The following PTK2B variants were observed in gnomAD, a reference collection of about 807,000 sequenced individuals.
PTK2B encodes protein-tyrosine kinase 2-beta.
In PTK2B, 71 loss-of-function variants were observed where a neutral mutation model predicts 142.9. That is an observed-to-expected ratio of 0.50 (90% CI 0.41 to 0.61). The LOEUF (loss-of-function observed/expected upper bound fraction) is 0.61. Among genes scored for constraint, PTK2B ranks in the 20% least tolerant of loss-of-function variants. The pLI is 0.00. For missense variants in PTK2B, 1,105 were observed against 1,320.4 expected, an observed-to-expected ratio of 0.84 and a Z score of 2.53; for synonymous variants, 519 against 503.4, an observed-to-expected ratio of 1.03 and a Z score of -0.42.
Position 27,437,777 on chromosome 8 carries a change from C to T in PTK2B, c.1540C>T (p.Leu514=). 9 of 1,611,768 alleles carry T rather than the reference C, an allele frequency of 5.6e-6. No homozygotes were observed. Among genetic ancestry groups the T allele is most frequent in the Non-Finnish European group, 7.6e-6 (9 of 1,179,244 alleles). Residue 514 remains leucine (L), a synonymous_variant, in exon 18 of 31, where the codon CTG becomes TTG. Transcript: ENST00000346049. The stretch of plus-strand genomic sequence containing the variant: ...CCCATTCCTGCAGCTGGGCCACTAC[C>T]TGGAGCGGAACAAGAACTCCCTGAA... The part of the protein sequence containing the change: ...LYPYGELGHY[L]ERNKNSLKVL...
intron 1 of PTK2B, among the ~76,000 whole-genome samples, chr8:27,350,975 C>CAAAAAAAAAAAA (rs1161040902): frequency 4.3e-4 from 1 of 2,348 alleles, no homozygotes. Flanking sequence ...GTCTCCGTCT[C>CAAAAAAAAAAAA]AAAAAAAAAA....
Position 27,430,858 on chromosome 8 carries a change from G to T in PTK2B, c.670-18G>T, listed in dbSNP as rs768302113. The T allele has an allele frequency of 6.2e-7, 1 of 1,611,776 alleles. No homozygotes were observed. Among genetic ancestry groups the T allele is most frequent in the East Asian group, 2.2e-5 (1 of 44,820 alleles). On this transcript the variant is annotated intron_variant, in intron 7 of 30. Coordinates refer to ENST00000346049, the MANE Select transcript of PTK2B (RefSeq NM_173176.3). Reference sequence around the variant, plus strand: ...GGGAGGAGCAGGCATTGCTCACACGGCCCATCCCCTCCCCCAGCCCAAACA... The same window carrying T: ...GGGAGGAGCAGGCATTGCTCACACGTCCCATCCCCTCCCCCAGCCCAAACA...
intron 3 of PTK2B, among the ~76,000 whole-genome samples, chr8:27,316,876 T>G (rs1563453085): frequency 6.6e-6 from 1 of 152,270 alleles, no homozygotes; most frequent in Admixed American, 6.5e-5. Flanking sequence ...TATACTTTTT[T>G]CTGTCTGTAT....
intron 1 of PTK2B, among the ~76,000 whole-genome samples, chr8:27,370,381 T>C (rs1220076630): frequency 6.6e-6 from 1 of 152,354 alleles, no homozygotes; most frequent in East Asian, 1.9e-4. Context: ...CATGTATATG[T>C]GGCCACATTC....
intron 1 of PTK2B, among the ~76,000 whole-genome samples, chr8:27,388,184 A>G (rs1290765790): frequency 6.6e-6 from 1 of 152,230 alleles, no homozygotes; most frequent in Non-Finnish European, 1.5e-5. Flanking sequence ...AAGAACTCAG[A>G]CAAATTGAAG....
intron 1 of PTK2B, among the ~76,000 whole-genome samples, chr8:27,340,996 G>A (rs1804363285): frequency 6.6e-6 from 1 of 152,222 alleles, no homozygotes. Flanking sequence ...AGAGACGGAT[G>A]AAGGGGATAC....
At chr8:27,334,530 G>C (rs545891664) in intron 1 of PTK2B, among the ~76,000 whole-genome samples, 1 of 152,302 alleles carries the variant, frequency 6.6e-6, no homozygotes, top group East Asian at 1.9e-4. Context: ...GGGCTTCTTT[G>C]CATCCTGGGA....
intron 1 of PTK2B, among the ~76,000 whole-genome samples, chr8:27,334,901 C>T (rs2129691431): frequency 6.6e-6 from 1 of 152,304 alleles, no homozygotes; most frequent in South Asian, 2.1e-4. Context: ...AGGGCAGGAA[C>T]TCCATCATTT....
At chr8:27,424,361 C>T (rs543521854) in intron 5 of PTK2B, among the ~76,000 whole-genome samples, 7 of 152,306 alleles carry the variant, frequency 4.6e-5, no homozygotes, top group East Asian at 3.9e-4. Context: ...GCAAGGCATC[C>T]GACATGACTC....
chr8:27,315,508 C>A (rs929009386), intron 3 of PTK2B, among the ~76,000 whole-genome samples: 1 of 152,114 alleles, frequency 6.6e-6, no homozygotes, highest in Non-Finnish European at 1.5e-5. Context: ...GAGACTCTTA[C>A]GTCGTCTCAT....
intron 2 of PTK2B, among the ~76,000 whole-genome samples, chr8:27,312,784 C>T (rs181199320): frequency 6.6e-6 from 1 of 152,306 alleles, no homozygotes; most frequent in Admixed American, 6.5e-5. Flanking sequence ...CTCTTTCTCT[C>T]TGCCTTTCTG....
At position 27,385,289 on chromosome 8, in the gene PTK2B, C is replaced by T. The variant is rs568300565; in HGVS notation, c.-37-12259C>T. ...GGCATGGAGAGCTGGAGGAAGAGGA[C>T]GAATGCTCAAGGTCTCAGGGCTGGA... is the stretch of plus-strand genomic sequence containing the variant. On this transcript the variant is annotated intron_variant, in intron 1 of 30. Coordinates refer to ENST00000346049, the MANE Select transcript of PTK2B (RefSeq NM_173176.3). Among the ~76,000 whole-genome samples, 5 of 152,254 alleles carry T rather than the reference C, an allele frequency of 3.3e-5. No individual in the cohort carries two copies. In the South Asian group the frequency reaches 8.3e-4, roughly 25 times the overall value.
At chr8:27,381,268 G>A (rs565354360) in intron 1 of PTK2B, among the ~76,000 whole-genome samples, 2 of 152,206 alleles carry the variant, frequency 1.3e-5, no homozygotes, top group Admixed American at 1.3e-4. Flanking sequence ...CAGAGCTACA[G>A]AACATTAGCA....
chr8:27,393,491 A>G lies in PTK2B; in HGVS notation c.-37-4057A>G, dbSNP rs1807846864. Among the ~76,000 whole-genome samples, 3 of 152,008 alleles carry G rather than the reference A, an allele frequency of 2.0e-5. No individual in the cohort carries two copies. In the South Asian group the frequency reaches 6.3e-4, roughly 32 times the overall value. ...GGAAGATAAGACACCAGAGTCCTCC[A>G]AGCACGCTGATGATGTGTCTGGGTG... On this transcript the variant is annotated intron_variant, in intron 1 of 30. Coordinates refer to ENST00000346049, the MANE Select transcript of PTK2B (RefSeq NM_173176.3).
chr8:27,412,368 T>G (rs967979178), intron 2 of PTK2B, among the ~76,000 whole-genome samples: 15 of 152,208 alleles, frequency 9.9e-5, no homozygotes, highest in Admixed American at 5.9e-4. Flanking sequence ...TAGATTCAGG[T>G]GTAGTCTGAG....
Position 27,439,132 on chromosome 8 carries a change from G to A in PTK2B, c.1744+1G>A. 1 of 1,612,088 alleles carries A rather than the reference G, an allele frequency of 6.2e-7. No individual in the cohort carries two copies. The highest frequency in any genetic ancestry group is 1.3e-5 in the African/African-American group (1 of 74,996). On this transcript the variant is annotated splice_donor_variant, in intron 19 of 30. Transcript: ENST00000346049. LOFTEE classifies it high-confidence loss of function. The stretch of plus-strand genomic sequence containing the variant: ...ATTGAGGACGAGGACTATTACAAAG[G>A]TGAGGGGGCTTCCCAGCCTCTGCAT...
chr8:27,431,425 G>C lies in PTK2B; in HGVS notation c.838G>C (p.Val280Leu). The C allele has an allele frequency of 6.2e-7, 1 of 1,614,214 alleles. No homozygotes were observed. Among genetic ancestry groups the C allele is most frequent in the Non-Finnish European group, 8.5e-7 (1 of 1,180,038 alleles). ...IQGWNITVDL[V>L]IGPKGIRQLT... ...AGGATGGAACATTACTGTGGACCTG[G>C]TCATTGGCCCTAAAGGGATCCGCCA... The change falls in exon 9 of 31, where the codon GTC becomes CTC. Residue 280 changes from valine to leucine, a missense_variant. Transcript: ENST00000346049.
At chr8:27,427,211 C>G (rs906345740) in intron 5 of PTK2B, among the ~76,000 whole-genome samples, 1 of 152,162 alleles carries the variant, frequency 6.6e-6, no homozygotes, top group Non-Finnish European at 1.5e-5. Flanking sequence ...CATAGGAAAC[C>G]TCAGCGTGAG....
At chr8:27,418,768 C>A (rs940171478) in intron 2 of PTK2B, among the ~76,000 whole-genome samples, 2 of 152,222 alleles carry the variant, frequency 1.3e-5, no homozygotes, top group African/African-American at 4.8e-5. Flanking sequence ...TGGCTCACGC[C>A]TGTAATCCCA....
Sources: allele counts gnomAD v4.1 joint callset (sites outside exome capture counted in the v4.1 genomes callset), GRCh38; gene constraint gnomAD v4.1.1; transcripts MANE v1.5; gene names NCBI Gene and HGNC (gene_info 2026-07-23, HGNC 2026-07-21).